The following OR9I1 variants were observed in gnomAD, a reference collection of about 807,000 sequenced individuals.
OR9I1 encodes olfactory receptor family 9 subfamily I member 1.
In OR9I1, 7 loss-of-function variants were observed where a neutral mutation model predicts 11.2. The observed-to-expected ratio is 0.62, with a 90% confidence interval of 0.36 to 1.17. The LOEUF (loss-of-function observed/expected upper bound fraction) is 1.17, where lower values mean the gene tolerates loss of function less well. Among genes scored for constraint, OR9I1 ranks in the 50% most tolerant of loss-of-function variants. The pLI is 0.02. For missense variants in OR9I1, 428 were observed against 377.2 expected, an observed-to-expected ratio of 1.13 and a Z score of -1.12; for synonymous variants, 165 against 153.4, an observed-to-expected ratio of 1.08 and a Z score of -0.56.
At chr11:58,125,234 CCA>C (rs549815111) in intron 1 of OR9I1, 38 bp downstream of exon 1, 3 of 53,950 alleles carry the variant, frequency 5.6e-5, no homozygotes, top group East Asian at 9.6e-4. Context: ...CCCCCCTTAC[CCA>C]CCGCCCCCCC....
intron 2 of OR9I1, among the ~76,000 whole-genome samples, chr11:58,120,805 T>C (rs1854022676): frequency 1.4e-5 from 1 of 72,390 alleles, no homozygotes; most frequent in Non-Finnish European, 3.2e-5. Context: ...TTCAATACCA[T>C]ATATATATAT....
chr11:58,122,888 T>C (rs1319931192), intron 2 of OR9I1, among the ~76,000 whole-genome samples: 1 of 152,078 alleles, frequency 6.6e-6, no homozygotes, highest in Non-Finnish European at 1.5e-5. Context: ...GTGTACATGA[T>C]ATTGTGACAT....
Position 58,116,748 on chromosome 11 carries a change from G to T in OR9I1, c.*1752C>A, listed in dbSNP as rs533152586. On this transcript the variant is annotated 3_prime_UTR_variant, in exon 3 of 3. Coordinates refer to ENST00000641439, the MANE Select transcript of OR9I1 (RefSeq NM_001005211.2). ...TTTTTATTAGCTCAACATGGGTCAGGTGCTTATTTCTGAATCAGTCAACTA... is the reference window on the plus strand; with the variant it reads ...TTTTTATTAGCTCAACATGGGTCAGTTGCTTATTTCTGAATCAGTCAACTA... The T allele has an allele frequency of 4.6e-5, 7 of 152,204 alleles. No homozygotes were observed. Among genetic ancestry groups the T allele is most frequent in the Admixed American group, 1.3e-4 (2 of 15,286 alleles). 9.4% of individuals were successfully genotyped at this position (152,204 alleles called of 1,614,324 possible). A position where few individuals can be genotyped will look rare whatever the true frequency, so the allele number is the denominator to read the frequency against.
intron 2 of OR9I1, among the ~76,000 whole-genome samples, chr11:58,121,555 C>T (rs1197226819): frequency 6.6e-6 from 1 of 152,200 alleles, no homozygotes; most frequent in Non-Finnish European, 1.5e-5. Context: ...ACAACCAAGT[C>T]TCCAGATTCC....
intron 2 of OR9I1, among the ~76,000 whole-genome samples, chr11:58,120,390 A>C (rs1005384984): frequency 1.3e-5 from 2 of 152,138 alleles, no homozygotes; most frequent in African/African-American, 2.4e-5. Flanking sequence ...TGCTTATGTC[A>C]TAGGGGTCTT....
intron 2 of OR9I1, among the ~76,000 whole-genome samples, chr11:58,121,781 T>C (rs1250916471): frequency 6.6e-6 from 1 of 152,194 alleles, no homozygotes; most frequent in East Asian, 1.9e-4. Flanking sequence ...TTGCTATTTT[T>C]GATAAAATCC....
At chr11:58,120,802 C>CTATATATATA (rs1216448405) in intron 2 of OR9I1, among the ~76,000 whole-genome samples, 1 of 72,950 alleles carries the variant, frequency 1.4e-5, no homozygotes, top group Non-Finnish European at 2.6e-5. Flanking sequence ...TATTTCAATA[C>CTATATATATA]CATATATATA....
In OR9I1 at chr11:58,116,930, A is replaced by T. The variant is rs1234440965; in HGVS notation, c.*1570T>A. ...ATACATCCTTTTATTATTCTTGACT[A>T]TGTGGGATATAGATACATGCACTCC... On this transcript the variant is annotated 3_prime_UTR_variant, in exon 3 of 3. Transcript: ENST00000641439. 1 of 152,250 alleles carries T rather than the reference A, an allele frequency of 6.6e-6. No individual in the cohort carries two copies. Among genetic ancestry groups the T allele is most frequent in the African/African-American group, 2.4e-5 (1 of 41,462 alleles). The allele number at this position is 152,250 out of a possible 1,614,324, so 9.4% of individuals were successfully genotyped here. A position where few individuals can be genotyped will look rare whatever the true frequency, so the allele number is the denominator to read the frequency against.
chr11:58,119,753 C>T (rs545500390), intron 2 of OR9I1, among the ~76,000 whole-genome samples: 2 of 152,256 alleles, frequency 1.3e-5, no homozygotes, highest in South Asian at 4.2e-4. Flanking sequence ...CTGTTCCAGT[C>T]CCATCTGGGG....
At position 58,125,119 on chromosome 11, in the gene OR9I1, G is replaced by C. The variant is rs537707176; in HGVS notation, c.-225+155C>G. Among the ~76,000 whole-genome samples the C allele has an allele frequency of 1.2e-4, 18 of 152,040 alleles. 1 individual carries two copies. Among genetic ancestry groups the C allele is most frequent in the South Asian group, 8.3e-4 (4 of 4,810 alleles). On this transcript the variant is annotated intron_variant, in intron 1 of 2. Transcript: ENST00000641439. ...AGAGTCATTTACAGGAAAATATCTT[G>C]TCTAAGCTCTGCAGTCTAGTACCAC...
At chr11:58,122,571 G>T (rs1418333509) in intron 2 of OR9I1, among the ~76,000 whole-genome samples, 1 of 152,150 alleles carries the variant, frequency 6.6e-6, no homozygotes, top group Admixed American at 6.6e-5. Context: ...AAGCAATGCA[G>T]GCACTATTTC....
chr11:58,123,100 C>T (rs1565083195), intron 2 of OR9I1, among the ~76,000 whole-genome samples: 1 of 151,930 alleles, frequency 6.6e-6, no homozygotes, highest in Non-Finnish European at 1.5e-5. Context: ...ATATTATGAC[C>T]TTATTTTTAC....
At position 58,117,428 on chromosome 11, in the gene OR9I1, A is replaced by G. The variant is rs750675779; in HGVS notation, c.*1072T>C. On this transcript the variant is annotated 3_prime_UTR_variant, in exon 3 of 3. Coordinates refer to ENST00000641439, the MANE Select transcript of OR9I1 (RefSeq NM_001005211.2). ...ATTGCAAAATGGGAATTTTACATTA[A>G]ACTATGTTTTTCCCATTTGCCATAG... 2 of 152,170 alleles carry G rather than the reference A, an allele frequency of 1.3e-5. No homozygotes were observed. Among genetic ancestry groups the G allele is most frequent in the Non-Finnish European group, 2.9e-5 (2 of 68,034 alleles). The allele number at this position is 152,170 out of a possible 1,614,324, so 9.4% of individuals were successfully genotyped here.
rs1854080368 is a variant in OR9I1, at chr11:58,125,255, A to AG, written c.-225+18_-225+19insC. On this transcript the variant is annotated intron_variant, in intron 1 of 2. Transcript: ENST00000641439. ...TTACCCACCGCCCCCCCCCCAAAAAAAAGCTGATCCAGTCTTACTTGTATA... is the reference window on the plus strand; with the variant it reads ...TTACCCACCGCCCCCCCCCCAAAAAAGAAGCTGATCCAGTCTTACTTGTATA... 1 of 122,926 alleles carries AG rather than the reference A, an allele frequency of 8.1e-6. No homozygotes were observed. Among genetic ancestry groups the AG allele is most frequent in the East Asian group, 3.1e-4 (1 of 3,246 alleles). 7.6% of individuals were successfully genotyped at this position (122,926 alleles called of 1,614,324 possible).
chr11:58,120,803 CAT>C (rs61634454), intron 2 of OR9I1, among the ~76,000 whole-genome samples: 10,386 of 132,534 alleles, frequency 0.078, 661 homozygotes, highest in African/African-American at 0.18. Flanking sequence ...ATTTCAATAC[CAT>C]ATATATATAT....
Position 58,117,757 on chromosome 11 carries a change from A to G in OR9I1, c.*743T>C, listed in dbSNP as rs2120123981. 6.6e-6 allele frequency: 1 copy of G among 152,334 alleles called. No individual in the cohort carries two copies. The highest frequency in any genetic ancestry group is 2.1e-4 in the South Asian group (1 of 4,824). 9.4% of individuals were successfully genotyped at this position (152,334 alleles called of 1,614,324 possible). ...GGAGAAGCAATGTACCATGGCCTTC[A>G]GAAATGAGAGAGCTTGAGGAGACAT... On this transcript the variant is annotated 3_prime_UTR_variant, in exon 3 of 3. Coordinates refer to ENST00000641439, the MANE Select transcript of OR9I1 (RefSeq NM_001005211.2).
chr11:58,124,090 C>T (rs1461541338), intron 2 of OR9I1, among the ~76,000 whole-genome samples: 3 of 151,812 alleles, frequency 2.0e-5, no homozygotes, highest in Admixed American at 6.6e-5. Flanking sequence ...AAAATATTTC[C>T]CAGAGGGAAA....
In OR9I1 at chr11:58,124,539, A is replaced by G. The variant is rs916364460; in HGVS notation, c.-124T>C. 2 of 152,174 alleles carry G rather than the reference A, an allele frequency of 1.3e-5. No homozygotes were observed. Among genetic ancestry groups the G allele is most frequent in the African/African-American group, 4.8e-5 (2 of 41,446 alleles). The allele number at this position is 152,174 out of a possible 1,614,324, so 9.4% of individuals were successfully genotyped here. On this transcript the variant is annotated 5_prime_UTR_variant, in exon 2 of 3. Coordinates refer to ENST00000641439, the MANE Select transcript of OR9I1 (RefSeq NM_001005211.2). ...CAACAAAGTTAATGTTTCTCACCTT[A>G]CTGAAATCAGTGTCTTGAAATATTG...
Position 58,118,488 on chromosome 11 carries a change from T to C in OR9I1, c.*12A>G, listed in dbSNP as rs1439441914. 2.6e-6 allele frequency: 4 copies of C among 1,541,248 alleles called. No individual in the cohort carries two copies. In the Admixed American group the frequency reaches 5.9e-5, roughly 23 times the overall value. ...GAAAGTGGACTAAAACAAGAATTCCTCTTACTTAGATCTACATGCTCAGGG... is the reference window on the plus strand; with the variant it reads ...GAAAGTGGACTAAAACAAGAATTCCCCTTACTTAGATCTACATGCTCAGGG... On this transcript the variant is annotated 3_prime_UTR_variant, in exon 3 of 3. Transcript: ENST00000641439.
Sources: allele counts gnomAD v4.1 joint callset (sites outside exome capture counted in the v4.1 genomes callset), GRCh38; gene constraint gnomAD v4.1.1; transcripts MANE v1.5; gene names NCBI Gene and HGNC (gene_info 2026-07-23, HGNC 2026-07-21).